Variants in GFRAL observed in about 807,000 individuals in gnomAD.
The protein encoded by GFRAL is GDNF family receptor alpha like, also known as GDNF family receptor alpha-like.
In GFRAL, 36 loss-of-function variants were observed where a neutral mutation model predicts 45.4. The ratio of observed to expected loss-of-function variants is 0.79; its 90% CI spans 0.61 to 1.05. The LOEUF is 1.05. Among genes scored for constraint, GFRAL ranks in the 50% least tolerant of loss-of-function variants. The probability of loss-of-function intolerance (pLI) is 0.00; values close to 1 mark genes in which losing one functional copy is unlikely to be tolerated. For missense variants in GFRAL, 507 were observed against 467.5 expected, an observed-to-expected ratio of 1.08 and a Z score of -0.78; for synonymous variants, 166 against 154.1, an observed-to-expected ratio of 1.08 and a Z score of -0.57.
At chr6:55,345,266 A>C (rs1768023383) in intron 3 of GFRAL, among the ~76,000 whole-genome samples, 1 of 152,180 alleles carries the variant, frequency 6.6e-6, no homozygotes, top group Non-Finnish European at 1.5e-5. Context: ...ACAAAGCTGG[A>C]GGCATCTTGC....
intron 3 of GFRAL, among the ~76,000 whole-genome samples, chr6:55,346,673 C>T (rs146465281): frequency 3.3e-3 from 498 of 151,986 alleles, no homozygotes; most frequent in African/African-American, 0.011. Context: ...CACATGTACC[C>T]TAGAACTTAA....
chr6:55,355,176 G>A (rs1038675762), intron 5 of GFRAL, among the ~76,000 whole-genome samples: 1 of 151,374 alleles, frequency 6.6e-6, no homozygotes, highest in Admixed American at 6.6e-5. Flanking sequence ...GTGGATTAAA[G>A]ATCTTTCCAT....
At chr6:55,373,290 C>T (rs998648645) in intron 6 of GFRAL, among the ~76,000 whole-genome samples, 1 of 151,986 alleles carries the variant, frequency 6.6e-6, no homozygotes, top group Admixed American at 6.6e-5. Context: ...CCGTATTTTT[C>T]CACGGCCATA....
chr6:55,329,448 T>C (rs191452173), intron 1 of GFRAL, among the ~76,000 whole-genome samples: 31 of 152,278 alleles, frequency 2.0e-4, no homozygotes, highest in Non-Finnish European at 4.3e-4. Context: ...ACTTATAAGA[T>C]TCTTGAAGGG....
intron 2 of GFRAL, among the ~76,000 whole-genome samples, chr6:55,332,554 G>C (rs1767844219): frequency 6.6e-6 from 1 of 151,984 alleles, no homozygotes; most frequent in Non-Finnish European, 1.5e-5. Context: ...CTCCAGAGTA[G>C]CTGGGACTAC....
At chr6:55,339,835 T>C (rs1426080759) in intron 3 of GFRAL, among the ~76,000 whole-genome samples, 1 of 152,230 alleles carries the variant, frequency 6.6e-6, no homozygotes, top group Non-Finnish European at 1.5e-5. Flanking sequence ...ACTTTTAGCA[T>C]ATCAAATTTT....
At chr6:55,343,959 G>A (rs552352523) in intron 3 of GFRAL, among the ~76,000 whole-genome samples, 8 of 152,088 alleles carry the variant, frequency 5.3e-5, no homozygotes, top group South Asian at 2.1e-4. Context: ...ATTCCTGGAT[G>A]CATACACTCT....
At chr6:55,391,120 T>G (rs116627169) in intron 6 of GFRAL, among the ~76,000 whole-genome samples, 2 of 151,330 alleles carry the variant, frequency 1.3e-5, no homozygotes, top group Non-Finnish European at 1.5e-5. Context: ...CATTTAAGAT[T>G]GTAGTCAAGT....
rs878930512 is a variant in GFRAL at position 55,351,599 on chromosome 6, C to T, written c.701+16C>T. 21 of 1,567,730 alleles carry T rather than the reference C, an allele frequency of 1.3e-5. No homozygotes were observed. The South Asian group carries it at 2.3e-4, about 17-fold the overall frequency. ...AATTATGCAGGTGGGTAAAAACACT[C>T]ATACCTTACTTTCTTATTTCGGCAC... On this transcript the variant is annotated intron_variant, in intron 5 of 8. Transcript: ENST00000340465.
chr6:55,362,695 G>A (rs1379507587), intron 6 of GFRAL, among the ~76,000 whole-genome samples: 2 of 151,984 alleles, frequency 1.3e-5, no homozygotes, highest in African/African-American at 4.8e-5. Flanking sequence ...AGGAGTGAGA[G>A]GGTATACCTT....
intron 1 of GFRAL, among the ~76,000 whole-genome samples, chr6:55,328,631 A>T (rs560100917): frequency 6.6e-6 from 1 of 151,512 alleles, no homozygotes; most frequent in Non-Finnish European, 1.5e-5. Context: ...CTTTTTTGTG[A>T]TAAAGAGAAA....
At chr6:55,400,615 A>T (rs1480384603) in intron 8 of GFRAL, among the ~76,000 whole-genome samples, 1 of 151,876 alleles carries the variant, frequency 6.6e-6, no homozygotes, top group Admixed American at 6.6e-5. Context: ...TAAGCATTTA[A>T]TTTGTTGTTA....
At chr6:55,375,055 G>A (rs575750782) in intron 6 of GFRAL, among the ~76,000 whole-genome samples, 12 of 152,176 alleles carry the variant, frequency 7.9e-5, no homozygotes, top group South Asian at 2.1e-4. Context: ...GTTGGGTAGC[G>A]TGATACCTCC....
At chr6:55,384,013 G>A (rs201081492) in intron 6 of GFRAL, among the ~76,000 whole-genome samples, 11 of 152,044 alleles carry the variant, frequency 7.2e-5, no homozygotes, top group Non-Finnish European at 4.4e-5. Context: ...CGATGTTTTC[G>A]AATTTGCTTA....
chr6:55,375,661 G>T (rs895126456), intron 6 of GFRAL, among the ~76,000 whole-genome samples: 2 of 151,864 alleles, frequency 1.3e-5, no homozygotes, highest in African/African-American at 4.8e-5. Context: ...TGTTGAATAG[G>T]AGTGCTAAGA....
chr6:55,373,255 T>C (rs1352588100), intron 6 of GFRAL, among the ~76,000 whole-genome samples: 5 of 152,138 alleles, frequency 3.3e-5, no homozygotes, highest in Non-Finnish European at 7.3e-5. Context: ...GCTCCTATTT[T>C]ATCCTCTGAA....
chr6:55,395,175 A>AAATAT, intron 6 of GFRAL, among the ~76,000 whole-genome samples: 19 of 123,484 alleles, frequency 1.5e-4, no homozygotes, highest in African/African-American at 2.1e-4. Context: ...AAAAAAAAAA[A>AAATAT]ATATATATAT....
intron 6 of GFRAL, among the ~76,000 whole-genome samples, chr6:55,369,511 C>G (rs1299157166): frequency 1.3e-5 from 2 of 152,142 alleles, no homozygotes; most frequent in Non-Finnish European, 2.9e-5. Context: ...TATAGTAGAG[C>G]TATATCATAA....
chr6:55,334,913 G>A (rs571824746), intron 3 of GFRAL, among the ~76,000 whole-genome samples: 9 of 152,218 alleles, frequency 5.9e-5, no homozygotes, highest in African/African-American at 2.2e-4. Context: ...GTATATCACA[G>A]GTTGGTTCCA....
Sources: allele counts gnomAD v4.1 joint callset (sites outside exome capture counted in the v4.1 genomes callset), GRCh38; gene constraint gnomAD v4.1.1; transcripts MANE v1.5; gene names NCBI Gene and HGNC (gene_info 2026-07-23, HGNC 2026-07-21).